Variants in GPC5 observed in about 807,000 individuals in gnomAD.
The protein encoded by GPC5 is glypican 5, also known as glypican-5.
In GPC5, 47 loss-of-function variants were observed where a neutral mutation model predicts 53.9. That is an observed-to-expected ratio of 0.87 (90% CI 0.69 to 1.11). The LOEUF is 1.11. Among genes scored for constraint, GPC5 ranks in the 50% most tolerant of loss-of-function variants. The probability of loss-of-function intolerance (pLI) is 0.00; values close to 1 mark genes in which losing one functional copy is unlikely to be tolerated. For missense variants in GPC5, 748 were observed against 713.1 expected (o/e 1.05, Z -0.56); for synonymous variants, 286 against 263.3 (o/e 1.09, Z -0.84).
At chr13:92,280,761 G>A (rs548702596) in intron 7 of GPC5, among the ~76,000 whole-genome samples, 122 of 152,044 alleles carry the variant, frequency 8.0e-4, no homozygotes, top group African/African-American at 2.7e-3. Flanking sequence ...GACGGGGTGC[G>A]GGGGGCGGTT....
At chr13:91,857,180 C>T (rs1323534755) in intron 5 of GPC5, among the ~76,000 whole-genome samples, 1 of 151,362 alleles carries the variant, frequency 6.6e-6, no homozygotes, top group Non-Finnish European at 1.5e-5. Context: ...GTAATAATTT[C>T]TCCCAATTCA....
intron 2 of GPC5, among the ~76,000 whole-genome samples, chr13:91,583,547 A>G (rs900068466): frequency 6.6e-6 from 1 of 152,200 alleles, no homozygotes; most frequent in Non-Finnish European, 1.5e-5. Context: ...AAGGTGAAAT[A>G]TTATTGAAGA....
At chr13:92,668,578 C>T (rs1342086738) in intron 7 of GPC5, among the ~76,000 whole-genome samples, 1 of 152,004 alleles carries the variant, frequency 6.6e-6, no homozygotes, top group South Asian at 2.1e-4. Context: ...TCTTTCTTAG[C>T]TTAAGTCATG....
At chr13:92,754,308 C>G (rs976887827) in intron 7 of GPC5, among the ~76,000 whole-genome samples, 2 of 152,108 alleles carry the variant, frequency 1.3e-5, no homozygotes, top group Non-Finnish European at 2.9e-5. Flanking sequence ...CAGGCCTGCC[C>G]TAAAAGAGCT....
chr13:91,975,657 T>A (rs1412795456), intron 6 of GPC5, among the ~76,000 whole-genome samples: 3 of 152,158 alleles, frequency 2.0e-5, no homozygotes, highest in African/African-American at 4.8e-5. Flanking sequence ...ATAGGAACAC[T>A]TTTACACTGT....
chr13:91,508,799 A>ATG (rs1885084387), intron 2 of GPC5, among the ~76,000 whole-genome samples: 1 of 152,200 alleles, frequency 6.6e-6, no homozygotes, highest in South Asian at 2.1e-4. Flanking sequence ...CTCTATGTCA[A>ATG]TGTGCTATAT....
intron 7 of GPC5, among the ~76,000 whole-genome samples, chr13:92,324,067 T>C (rs960255738): frequency 2.0e-5 from 3 of 151,938 alleles, no homozygotes; most frequent in Non-Finnish European, 2.9e-5. Flanking sequence ...AAGTGTAACC[T>C]ATGGATTTTT....
At position 91,950,430 on chromosome 13, in the gene GPC5, G is replaced by A. The variant is rs1594682684; in HGVS notation, c.1401+42373G>A. Among the ~76,000 whole-genome samples, 3 of 131,868 alleles carry A rather than the reference G, an allele frequency of 2.3e-5. No homozygotes were observed. The South Asian group carries it at 8.2e-4, about 36-fold the overall frequency. The allele number at this position is 131,868 out of a possible 152,430, so 86.5% of individuals were successfully genotyped here. On this transcript the variant is annotated intron_variant, in intron 6 of 7. Transcript: ENST00000377067. ...ACACCAAATGAGCTACCTTCAATAA[G>A]CATCCCACAAATCCACAGGGAACTT...
At chr13:91,761,530 A>G (rs2037412074) in intron 5 of GPC5, among the ~76,000 whole-genome samples, 1 of 152,096 alleles carries the variant, frequency 6.6e-6, no homozygotes, top group Admixed American at 6.5e-5. Flanking sequence ...CTTCTGACCA[A>G]CTGGCTTCAA....
chr13:92,037,993 G>T (rs564453381), intron 6 of GPC5, among the ~76,000 whole-genome samples: 2 of 152,194 alleles, frequency 1.3e-5, no homozygotes, highest in South Asian at 4.1e-4. Flanking sequence ...ACCGTGATAA[G>T]GGTAGATACA....
chr13:92,600,470 TTTC>T (rs1465631616), intron 7 of GPC5, among the ~76,000 whole-genome samples: 1 of 151,968 alleles, frequency 6.6e-6, no homozygotes, highest in East Asian at 1.9e-4. Context: ...TGTGTTTTTT[TTTC>T]TTTTCAATTC....
intron 7 of GPC5, among the ~76,000 whole-genome samples, chr13:92,413,111 G>A (rs562862258): frequency 5.3e-5 from 8 of 152,236 alleles, no homozygotes; most frequent in South Asian, 2.1e-4. Flanking sequence ...AGACAAAGAC[G>A]CAGGAAGTTT....
intron 1 of GPC5, among the ~76,000 whole-genome samples, chr13:91,443,353 G>A (rs1382653234): frequency 1.3e-5 from 2 of 152,080 alleles, no homozygotes; most frequent in South Asian, 4.1e-4. Context: ...CCATGTGAGG[G>A]CACAGAGAGA....
At chr13:92,651,523 A>G (rs556020724) in intron 7 of GPC5, among the ~76,000 whole-genome samples, 2 of 152,240 alleles carry the variant, frequency 1.3e-5, no homozygotes, top group South Asian at 2.1e-4. Context: ...GAAGATCTGC[A>G]AAAGTGTCAC....
intron 5 of GPC5, among the ~76,000 whole-genome samples, chr13:91,824,542 G>C (rs2038546182): frequency 1.3e-5 from 2 of 152,060 alleles, no homozygotes; most frequent in Admixed American, 1.3e-4. Context: ...TTTTGGATAA[G>C]TTACTTTAAG....
At chr13:92,013,801 A>C (rs1429387984) in intron 6 of GPC5, among the ~76,000 whole-genome samples, 1 of 152,172 alleles carries the variant, frequency 6.6e-6, no homozygotes, top group African/African-American at 2.4e-5. Flanking sequence ...TTTTAACTTT[A>C]ACATGAAAAA....
intron 7 of GPC5, among the ~76,000 whole-genome samples, chr13:92,206,155 A>ATTTTTTGTTTTTTTTT (rs1566484645): frequency 1.8e-5 from 1 of 54,924 alleles, no homozygotes; most frequent in African/African-American, 9.3e-5. Flanking sequence ...TGTTTTTTTT[A>ATTTTTTGTTTTTTTTT]TTTTTTTTTT....
At chr13:91,484,344 T>C (rs1235490236) in intron 2 of GPC5, among the ~76,000 whole-genome samples, 3 of 152,214 alleles carry the variant, frequency 2.0e-5, no homozygotes, top group Non-Finnish European at 4.4e-5. Context: ...GATTATTGCA[T>C]TGATTACTGA....
chr13:91,827,641 A>C (rs2038594687), intron 5 of GPC5, among the ~76,000 whole-genome samples: 1 of 152,084 alleles, frequency 6.6e-6, no homozygotes, highest in Non-Finnish European at 1.5e-5. Flanking sequence ...ATGTAAATCA[A>C]GACTGCAATG....
Sources: gnomAD v4.1 joint callset for allele counts (sites outside exome capture counted in the v4.1 genomes callset) on GRCh38, gnomAD v4.1.1 for gene constraint, MANE v1.5 for transcripts, NCBI Gene and HGNC (gene_info 2026-07-23, HGNC 2026-07-21) for gene names.